Variants in ZNF385D observed in about 807,000 individuals in gnomAD.
The protein encoded by ZNF385D is zinc finger protein 385D.
A neutral mutation model predicts 35.8 loss-of-function variants in ZNF385D; 15 were observed. The observed-to-expected ratio is 0.42, with a 90% CI of 0.28 to 0.64. ZNF385D has a LOEUF of 0.64. Ranked by LOEUF, ZNF385D falls within the 30% of genes least tolerant of loss-of-function variation. ZNF385D has a pLI of 0.23. For missense variants in ZNF385D, 474 were observed against 494.6 expected (o/e 0.96, Z 0.39); for synonymous variants, 212 against 186.8 (o/e 1.13, Z -1.10).
At chr3:22,270,070 T>C (rs1559490074) in intron 2 of ZNF385D, among the ~76,000 whole-genome samples, 1 of 151,906 alleles carries the variant, frequency 6.6e-6, no homozygotes, top group Non-Finnish European at 1.5e-5. Context: ...TCTGACTCTG[T>C]AGCAAGCTGC....
chr3:21,428,933 C>CTTTTTTTTTTTTTTTTTTTTTT (rs56827844), intron 5 of ZNF385D, among the ~76,000 whole-genome samples: 16 of 112,016 alleles, frequency 1.4e-4, no homozygotes, highest in Non-Finnish European at 2.0e-4. Flanking sequence ...CCAAGAAATC[C>CTTTTTTTTTTTTTTTTTTTTTT]TTTTTTTTTT....
intron 4 of ZNF385D, among the ~76,000 whole-genome samples, chr3:21,450,482 A>G (rs1361448061): frequency 6.6e-6 from 1 of 152,208 alleles, no homozygotes; most frequent in Non-Finnish European, 1.5e-5. Context: ...AAGGCTAATT[A>G]AAAACTTTTT....
intron 2 of ZNF385D, among the ~76,000 whole-genome samples, chr3:22,187,595 A>C (rs1215594766): frequency 1.3e-5 from 2 of 152,158 alleles, no homozygotes; most frequent in Non-Finnish European, 2.9e-5. Flanking sequence ...ACCAGAAGGG[A>C]ACAAAGTTCT....
At chr3:21,559,492 C>T (rs1356355224) in intron 3 of ZNF385D, among the ~76,000 whole-genome samples, 1 of 152,208 alleles carries the variant, frequency 6.6e-6, no homozygotes, top group East Asian at 1.9e-4. Context: ...TTGACCCCCA[C>T]TCTCTTCTGG....
At chr3:21,553,206 C>A (rs1024582760) in intron 3 of ZNF385D, among the ~76,000 whole-genome samples, 3 of 152,114 alleles carry the variant, frequency 2.0e-5, no homozygotes, top group Non-Finnish European at 4.4e-5. Flanking sequence ...TAGTGAGACC[C>A]ATTTCAGACT....
chr3:21,823,880 C>T (rs1001546743), intron 3 of ZNF385D, among the ~76,000 whole-genome samples: 6 of 152,108 alleles, frequency 3.9e-5, no homozygotes, highest in African/African-American at 9.7e-5. Context: ...GTTTATTGAA[C>T]GTCAATGTAT....
chr3:22,108,278 T>G (rs1172058430), intron 3 of ZNF385D, among the ~76,000 whole-genome samples: 2 of 152,170 alleles, frequency 1.3e-5, no homozygotes, highest in Admixed American at 1.3e-4. Context: ...TAATCCACAA[T>G]TTTGGTCAGA....
intron 3 of ZNF385D, among the ~76,000 whole-genome samples, chr3:21,811,224 A>C (rs973108056): frequency 6.6e-6 from 1 of 152,108 alleles, no homozygotes; most frequent in African/African-American, 2.4e-5. Context: ...GAAATTCTAT[A>C]AGCAAGACAA....
At chr3:21,558,336 G>C (rs982612609) in intron 3 of ZNF385D, among the ~76,000 whole-genome samples, 1 of 139,512 alleles carries the variant, frequency 7.2e-6, no homozygotes, top group East Asian at 1.9e-4. Context: ...GTGTGTCCCA[G>C]AGATTCTGGT....
chr3:22,077,690 A>T (rs1700534115), intron 3 of ZNF385D, among the ~76,000 whole-genome samples: 1 of 152,042 alleles, frequency 6.6e-6, no homozygotes, highest in Non-Finnish European at 1.5e-5. Flanking sequence ...CCTCATACAG[A>T]GATGCTTCTC....
At position 22,222,320 on chromosome 3, in the gene ZNF385D, C is replaced by T. The variant is rs558533257; in HGVS notation, c.107-53285G>A. On this transcript the variant is annotated intron_variant, in intron 2 of 5. Transcript: ENST00000494108. ...AACACATAGTCTTCACCACCCAGCC[C>T]CAAATTTCAAAAAAAGAAAAAAAAA... Among the ~76,000 whole-genome samples the T allele has an allele frequency of 6.6e-5, 10 of 151,412 alleles. No homozygotes were observed. The East Asian group carries it at 7.7e-4, about 12-fold the overall frequency.
intron 4 of ZNF385D, among the ~76,000 whole-genome samples, chr3:21,492,638 G>T (rs941418053): frequency 2.6e-5 from 4 of 151,666 alleles, no homozygotes; most frequent in Non-Finnish European, 5.9e-5. Context: ...ACAAAAATTC[G>T]CCAGGTGTGA....
chr3:22,040,618 T>C (rs755110496), intron 3 of ZNF385D, among the ~76,000 whole-genome samples: 2 of 151,964 alleles, frequency 1.3e-5, no homozygotes, highest in African/African-American at 2.4e-5. Flanking sequence ...GATGGTATGA[T>C]GGTATGCTTT....
At chr3:22,215,551 A>T (rs536081240) in intron 2 of ZNF385D, among the ~76,000 whole-genome samples, 2 of 152,026 alleles carry the variant, frequency 1.3e-5, no homozygotes, top group African/African-American at 4.8e-5. Flanking sequence ...CCCGCCTAAT[A>T]AATTTTTAGT....
At chr3:22,095,308 T>C (rs1701558650) in intron 3 of ZNF385D, among the ~76,000 whole-genome samples, 1 of 152,046 alleles carries the variant, frequency 6.6e-6, no homozygotes, top group South Asian at 2.1e-4. Context: ...TGGACCACTC[T>C]ATCTTTTTTA....
intron 2 of ZNF385D, among the ~76,000 whole-genome samples, chr3:22,269,523 T>TCTAG (rs1428371896): frequency 6.6e-6 from 1 of 151,938 alleles, no homozygotes; most frequent in Non-Finnish European, 1.5e-5. Context: ...GGCATGACTT[T>TCTAG]CTAGAGGTCA....
At chr3:21,912,888 CA>C (rs1398120966) in intron 3 of ZNF385D, among the ~76,000 whole-genome samples, 1 of 152,026 alleles carries the variant, frequency 6.6e-6, no homozygotes, top group East Asian at 1.9e-4. Context: ...GCATACAGAA[CA>C]TTCTTAAACT....
At chr3:22,016,167 A>G (rs1440095853) in intron 3 of ZNF385D, among the ~76,000 whole-genome samples, 1 of 152,124 alleles carries the variant, frequency 6.6e-6, no homozygotes, top group Non-Finnish European at 1.5e-5. Context: ...TTTCCCAACC[A>G]GCAGTGATTT....
chr3:21,688,384 T>C (rs952011742), intron 1 of ZNF385D, among the ~76,000 whole-genome samples: 1 of 152,120 alleles, frequency 6.6e-6, no homozygotes, highest in Non-Finnish European at 1.5e-5. Flanking sequence ...AGCTGACATA[T>C]AGCAATTTTA....
Sources: gnomAD v4.1 joint callset for allele counts (sites outside exome capture counted in the v4.1 genomes callset) on GRCh38, gnomAD v4.1.1 for gene constraint, MANE v1.5 for transcripts, NCBI Gene and HGNC (gene_info 2026-07-23, HGNC 2026-07-21) for gene names.